SNX13: variants seen among roughly 807,000 people sequenced by gnomAD.
SNX13 encodes the protein sorting nexin 13.
In SNX13, 45 loss-of-function variants were observed where a neutral mutation model predicts 133.6. The observed-to-expected ratio is 0.34, with a 90% CI of 0.27 to 0.43. The LOEUF is 0.43. Ranked by LOEUF, SNX13 falls within the 20% of genes least tolerant of loss-of-function variation. The pLI, the probability that SNX13 is intolerant of heterozygous loss-of-function variation, is 1.00. For missense variants in SNX13, 1,032 were observed against 1,145.1 expected, an observed-to-expected ratio of 0.90 and a Z score of 1.43; for synonymous variants, 414 against 373.9, an observed-to-expected ratio of 1.11 and a Z score of -1.24.
chr7:17,868,702 C>G (rs1793696802), intron 8 of SNX13, among the ~76,000 whole-genome samples: 1 of 152,084 alleles, frequency 6.6e-6, no homozygotes, highest in African/African-American at 2.4e-5. Context: ...TTGGACACAT[C>G]TCCACAGTAA....
chr7:17,902,734 TA>T (rs1174409745), intron 1 of SNX13, among the ~76,000 whole-genome samples: 2 of 152,178 alleles, frequency 1.3e-5, no homozygotes. Context: ...TAAAATTCTT[TA>T]ATACAGGAGT....
intron 20 of SNX13, among the ~76,000 whole-genome samples, chr7:17,809,879 A>G (rs528582107): frequency 2.0e-5 from 3 of 152,216 alleles, no homozygotes; most frequent in Non-Finnish European, 4.4e-5. Context: ...CACTGGGTAA[A>G]TAACGAAATA....
intron 12 of SNX13, 125 bp downstream of exon 12, chr7:17,845,470 A>G: frequency 1.7e-6 from 1 of 603,814 alleles, no homozygotes; most frequent in South Asian, 2.5e-5. Context: ...TCATGAATAC[A>G]TTTAATATCA....
intron 11 of SNX13, among the ~76,000 whole-genome samples, chr7:17,847,632 G>C (rs923680062): frequency 6.6e-6 from 1 of 152,198 alleles, no homozygotes; most frequent in African/African-American, 2.4e-5. Flanking sequence ...TTTAAGAAAT[G>C]CTTTTTCCTG....
chr7:17,816,634 G>A (rs1184881933), intron 18 of SNX13, among the ~76,000 whole-genome samples: 1 of 152,094 alleles, frequency 6.6e-6, no homozygotes, highest in Non-Finnish European at 1.5e-5. Flanking sequence ...TTGCACTCCA[G>A]CCTGGGCAAC....
chr7:17,908,066 A>G (rs549163456), intron 1 of SNX13, among the ~76,000 whole-genome samples: 57 of 152,320 alleles, frequency 3.7e-4, no homozygotes, highest in African/African-American at 1.3e-3. Context: ...CCAAAATTAA[A>G]TTCATTCAAG....
chr7:17,910,905 T>C (rs537355010), intron 1 of SNX13, among the ~76,000 whole-genome samples: 4 of 152,140 alleles, frequency 2.6e-5, no homozygotes, highest in South Asian at 4.2e-4. Flanking sequence ...AAGAGGAAAA[T>C]GGCTTAATGG....
chr7:17,882,915 T>A (rs1490914023), intron 5 of SNX13: 3 of 1,034,496 alleles, frequency 2.9e-6, no homozygotes, highest in Non-Finnish European at 3.9e-6. Flanking sequence ...TGCGCCATTG[T>A]ACTCCAGCCT....
At chr7:17,883,360 ATCT>A (rs532298910) in intron 5 of SNX13, among the ~76,000 whole-genome samples, 8 of 152,364 alleles carry the variant, frequency 5.3e-5, no homozygotes, top group Non-Finnish European at 7.3e-5. Context: ...CTAAGTGCAC[ATCT>A]TCTTAAGTAT....
At chr7:17,864,586 GTT>G (rs1396329992) in intron 9 of SNX13, among the ~76,000 whole-genome samples, 1 of 151,966 alleles carries the variant, frequency 6.6e-6, no homozygotes, top group Non-Finnish European at 1.5e-5. Context: ...TGGGTAAAAA[GTT>G]TATTCAAAGA....
At chr7:17,930,677 T>G (rs1032823610) in intron 1 of SNX13, among the ~76,000 whole-genome samples, 1 of 152,190 alleles carries the variant, frequency 6.6e-6, no homozygotes, top group African/African-American at 2.4e-5. Context: ...TTTCTTTTCC[T>G]GTAACTTTGT....
At chr7:17,931,374 A>G (rs1801373616) in intron 1 of SNX13, among the ~76,000 whole-genome samples, 1 of 152,248 alleles carries the variant, frequency 6.6e-6, no homozygotes, top group South Asian at 2.1e-4. Flanking sequence ...ATGTAATAAC[A>G]GAAATACGGT....
At chr7:17,877,586 A>C (rs1794866745) in intron 5 of SNX13, among the ~76,000 whole-genome samples, 1 of 152,124 alleles carries the variant, frequency 6.6e-6, no homozygotes, top group South Asian at 2.1e-4. Flanking sequence ...GTCCTGTTTC[A>C]TGCTACAATG....
rs1307267858 is a variant in SNX13 at position 17,893,440 on chromosome 7, A to G, written c.126-6T>C. On this transcript the variant is annotated splice_polypyrimidine_tract_variant and splice_region_variant and intron_variant, in intron 2 of 25. Transcript: ENST00000428135. ...GGAGAGTAACCACTAAACCCCTAGA[A>G]AGAAAAATTTAATCACAAATATAAA... The G allele has an allele frequency of 1.1e-5, 17 of 1,509,464 alleles. No homozygotes were observed. Among genetic ancestry groups the G allele is most frequent in the Non-Finnish European group, 1.5e-5 (17 of 1,118,082 alleles). The allele number at this position is 1,509,464 out of a possible 1,614,324, so 93.5% of individuals were successfully genotyped here.
intron 8 of SNX13, among the ~76,000 whole-genome samples, chr7:17,872,761 T>C (rs1794262351): frequency 6.6e-6 from 1 of 152,214 alleles, no homozygotes; most frequent in Non-Finnish European, 1.5e-5. Flanking sequence ...AAAGAGATCA[T>C]AAGCTTTTGT....
At position 17,842,280 on chromosome 7, in the gene SNX13, A is replaced by T. The variant is rs548011084; in HGVS notation, c.1166-2280T>A. On this transcript the variant is annotated intron_variant, in intron 12 of 25. Transcript: ENST00000428135. ...ATTATCAGCAGATTTCTTTCAAGAAACTTTGGAGGCTAGAAGGTGATGGAG... is the reference window on the plus strand; with the variant it reads ...ATTATCAGCAGATTTCTTTCAAGAATCTTTGGAGGCTAGAAGGTGATGGAG... 1.3e-4 allele frequency among the ~76,000 whole-genome samples: 20 copies of T among 152,200 alleles called. 1 individual carries two copies. In the South Asian group the frequency reaches 3.7e-3, roughly 28 times the overall value.
chr7:17,898,291 G>A (rs1376062108), intron 1 of SNX13: 1 of 152,154 alleles, frequency 6.6e-6, no homozygotes, highest in Non-Finnish European at 1.5e-5. Context: ...GGAGCATAGA[G>A]AAGAATCTCC....
chr7:17,914,308 C>T (rs956682335), intron 1 of SNX13, among the ~76,000 whole-genome samples: 1 of 152,042 alleles, frequency 6.6e-6, no homozygotes, highest in African/African-American at 2.4e-5. Flanking sequence ...TTGGAAAACA[C>T]ATTTGAGGAA....
At chr7:17,863,016 T>A (rs1164844618) in intron 9 of SNX13, among the ~76,000 whole-genome samples, 2 of 152,060 alleles carry the variant, frequency 1.3e-5, no homozygotes, top group East Asian at 3.9e-4. Flanking sequence ...AGAAAGAGAA[T>A]CTGTGGGCTT....
Sources: allele counts gnomAD v4.1 joint callset (sites outside exome capture counted in the v4.1 genomes callset), GRCh38; gene constraint gnomAD v4.1.1; transcripts MANE v1.5; gene names NCBI Gene and HGNC (gene_info 2026-07-23, HGNC 2026-07-21).